TKFC: variants seen among roughly 807,000 people sequenced by gnomAD.
TKFC encodes triokinase and FMN cyclase, also known as triokinase/FMN cyclase.
TKFC carries 46 observed loss-of-function variants against 61.0 expected under a neutral mutation model. That is an observed-to-expected ratio of 0.75 (90% CI 0.60 to 0.96). TKFC has a LOEUF of 0.96. Among genes scored for constraint, TKFC ranks in the 50% least tolerant of loss-of-function variants. The pLI is 0.00. For synonymous variants in TKFC, 314 were observed against 330.1 expected (o/e 0.95, Z 0.53); for missense variants, 715 against 777.5 (o/e 0.92, Z 0.96).
At position 61,345,896 on chromosome 11, in the gene TKFC, T is replaced by G; in HGVS notation, c.1525T>G (p.Trp509Gly). The stretch of plus-strand genomic sequence containing the variant: ...GGCAGCGGGGCAGGAGCTCCAAGCC[T>G]GGAAGAGCCCAGGAGCTGATCTGTT... ...LWAAGQELQA[W>G]KSPGADLLQV... Residue 509 changes from tryptophan to glycine, a missense_variant, in exon 17 of 18, where the codon TGG becomes GGG. Physicochemically the swap from Trp to Gly is radical, Grantham distance 184. Transcript: ENST00000394900. The G allele has an allele frequency of 6.2e-7, 1 of 1,614,042 alleles. No individual in the cohort carries two copies. The highest frequency in any genetic ancestry group is 2.2e-5 in the East Asian group (1 of 44,868).
chr11:61,339,556 G>C, intron 5 of TKFC, 121 bp downstream of exon 5: 1 of 1,184,238 alleles, frequency 8.4e-7, no homozygotes, highest in Non-Finnish European at 1.2e-6. Context: ...TTTCTCCAGT[G>C]TTCCCTGATC....
At chr11:61,341,163 A>G (rs1439726867) in intron 5 of TKFC, among the ~76,000 whole-genome samples, 1 of 152,150 alleles carries the variant, frequency 6.6e-6, no homozygotes, top group East Asian at 1.9e-4. Flanking sequence ...TGGCTGTGTG[A>G]CATTGGACAA....
At chr11:61,351,871 A>T (rs1438620546), downstream of TKFC, 1 of 152,170 alleles carries the variant, frequency 6.6e-6, no homozygotes, top group African/African-American at 2.4e-5. Flanking sequence ...CTATGGTCAC[A>T]CCATTGCTCT....
At chr11:61,336,888 C>T (rs1856630197) in intron 2 of TKFC, among the ~76,000 whole-genome samples, 1 of 152,194 alleles carries the variant, frequency 6.6e-6, no homozygotes, top group Non-Finnish European at 1.5e-5. Context: ...CACCACCACA[C>T]TATTCACTCA....
intron 2 of TKFC, 67 bp downstream of exon 2, chr11:61,334,798 A>G (rs1039830954): frequency 1.9e-5 from 30 of 1,611,244 alleles, no homozygotes; most frequent in African/African-American, 5.3e-5. Context: ...GCCTTGGGCA[A>G]GCTAAAGCTC....
chr11:61,350,577 A>G (rs910929029), downstream of TKFC: 2 of 881,208 alleles, frequency 2.3e-6, no homozygotes, highest in African/African-American at 3.4e-5. Context: ...CCTGGTACAC[A>G]CCCCGTCTCC....
rs372920610 is a variant in TKFC, at chr11:61,345,824, C to T, written c.1486-33C>T. On this transcript the variant is annotated intron_variant, in intron 16 of 17. Coordinates refer to ENST00000394900, the MANE Select transcript of TKFC (RefSeq NM_015533.4). Reference sequence around the variant, plus strand: ...AAAGAGCACCCTCGGTTGCAGGGCCCGTGCTCAGCCCCCTTTCCTTCACCT... The same window carrying T: ...AAAGAGCACCCTCGGTTGCAGGGCCTGTGCTCAGCCCCCTTTCCTTCACCT... 31 of 1,613,986 alleles carry T rather than the reference C, an allele frequency of 1.9e-5. No individual in the cohort carries two copies. The East Asian group carries it at 2.5e-4, about 13-fold the overall frequency.
chr11:61,345,166 T>C (rs1259944155), intron 13 of TKFC, 94 bp from the exon 14 acceptor site: 2 of 1,051,208 alleles, frequency 1.9e-6, no homozygotes, highest in Non-Finnish European at 1.4e-6. Flanking sequence ...TCCACTTCCC[T>C]GTCGGCCTTT....
At chr11:61,350,923 C>A, downstream of TKFC, 1 of 1,531,392 alleles carries the variant, frequency 6.5e-7, no homozygotes, top group Non-Finnish European at 8.8e-7. Flanking sequence ...AGGCCCCAGC[C>A]TTTCGTGGGA....
intron 13 of TKFC, among the ~76,000 whole-genome samples, 160 bp downstream of exon 13, chr11:61,344,433 G>T (rs555354753): frequency 6.9e-6 from 1 of 145,646 alleles, no homozygotes; most frequent in East Asian, 2.0e-4. Context: ...GTGTGATCTC[G>T]GCTCACTGCA....
intron 2 of TKFC, chr11:61,335,410 A>G (rs56046639): frequency 0.022 from 3,333 of 152,836 alleles, 141 homozygotes; most frequent in African/African-American, 0.077. Context: ...CAGGGATAGC[A>G]CTGGTCCCTA....
rs2260655 is a variant in TKFC, at chr11:61,341,502, G to A, written c.553G>A (p.Ala185Thr). The A allele has an allele frequency of 0.96, 1,488,487 of 1,555,306 alleles. 722,710 individuals are homozygous for A. The highest frequency in any genetic ancestry group is 0.99 in the Non-Finnish European group (1,140,427 of 1,149,018). The stretch of plus-strand genomic sequence containing the variant: ...GATCGCAAAGCAGGTGAACGTGGTC[G>A]CCAAGGCCATGGGTGAGTGCTGGCC... ...EEIAKQVNVV[A>T]KAMGTLGVSL... Residue 185 changes from alanine (A) to threonine (T), a missense_variant, in exon 6 of 18, where the codon GCC becomes ACC. Transcript: ENST00000394900.
intron 7 of TKFC, 90 bp from the exon 8 acceptor site, chr11:61,342,371 G>A: frequency 6.5e-7 from 1 of 1,540,252 alleles, no homozygotes. Flanking sequence ...CACTTACTGT[G>A]TGAGTCCAGC....
downstream of TKFC, chr11:61,353,096 A>T (rs755840575): frequency 9.9e-6 from 16 of 1,613,398 alleles, no homozygotes; most frequent in East Asian, 3.6e-4. Context: ...GCGCAGCCAC[A>T]TGGACGCCCA....
At chr11:61,334,786 C>T in intron 2 of TKFC, 55 bp downstream of exon 2, 2 of 1,613,306 alleles carry the variant, frequency 1.2e-6, no homozygotes, top group South Asian at 1.1e-5. Context: ...AGCAGGATCC[C>T]AGCCTTGGGC....
chr11:61,345,197 G>T, intron 13 of TKFC, 63 bp from the exon 14 acceptor site: 1 of 1,385,216 alleles, frequency 7.2e-7, no homozygotes, highest in Non-Finnish European at 9.8e-7. Flanking sequence ...ATTGGTGCTG[G>T]CTGGAAGTCT....
Position 61,346,402 on chromosome 11 carries a change from A to G in TKFC, c.1627A>G (p.Arg543Gly), listed in dbSNP as rs527318413. Residue 543 changes from arginine (R) to glycine (G), a missense_variant, in exon 18 of 18, where the codon AGA becomes GGA. Transcript: ENST00000394900. This position sits in a 1 kb window ranked among gnomAD's most constrained non-coding sequence, Gnocchi z 4.1. ...ATKNMEAGAG[R>G]ASYISSARLE... Reference sequence around the variant, plus strand: ...CAAGAATATGGAAGCTGGAGCCGGAAGAGCCAGTTATATCAGCTCAGCACG... The same window carrying G: ...CAAGAATATGGAAGCTGGAGCCGGAGGAGCCAGTTATATCAGCTCAGCACG... 3 of 1,612,606 alleles carry G rather than the reference A, an allele frequency of 1.9e-6. No homozygotes were observed. The highest frequency in any genetic ancestry group is 2.2e-5 in the East Asian group (1 of 44,878).
intron 2 of TKFC, among the ~76,000 whole-genome samples, chr11:61,337,271 G>A (rs1019254585): frequency 3.3e-5 from 5 of 152,190 alleles, no homozygotes; most frequent in South Asian, 4.2e-4. Flanking sequence ...TCAGCCTTCC[G>A]ACTAGTGGGA....
At position 61,349,163 on chromosome 11, in the gene TKFC, C is replaced by A; in HGVS notation, c.*2660C>A. The A allele has an allele frequency of 4.6e-6, 1 of 219,216 alleles. No individual in the cohort carries two copies. Among genetic ancestry groups the A allele is most frequent in the Non-Finnish European group, 9.6e-6 (1 of 104,544 alleles). 13.6% of individuals were successfully genotyped at this position (219,216 alleles called of 1,614,324 possible). Reference sequence around the variant, plus strand: ...AAGCCACAGCAGCAACACTTAGGAGCAAGACCCTTCCCGCTCTCCACCCTA... The same window carrying A: ...AAGCCACAGCAGCAACACTTAGGAGAAAGACCCTTCCCGCTCTCCACCCTA... On this transcript the variant is annotated 3_prime_UTR_variant, in exon 18 of 18. Coordinates refer to ENST00000394900, the MANE Select transcript of TKFC (RefSeq NM_015533.4).
Sources: allele counts gnomAD v4.1 joint callset (sites outside exome capture counted in the v4.1 genomes callset), GRCh38; gene constraint gnomAD v4.1.1; non-coding constraint Gnocchi (gnomAD v3.1); transcripts MANE v1.5; gene names NCBI Gene and HGNC (gene_info 2026-07-23, HGNC 2026-07-21).